CKLF: variants seen among roughly 807,000 people sequenced by gnomAD.
CKLF encodes the protein chemokine-like factor.
CKLF carries 16 observed loss-of-function variants against 12.9 expected under a neutral mutation model. The ratio of observed to expected loss-of-function variants is 1.24; its 90% CI spans 0.84 to 1.88. The LOEUF (loss-of-function observed/expected upper bound fraction) is 1.88. Among genes scored for constraint, CKLF ranks in the 40% most tolerant of loss-of-function variants. CKLF has a pLI of 0.00. For missense variants in CKLF, 172 were observed against 188.5 expected, an observed-to-expected ratio of 0.91 and a Z score of 0.51; for synonymous variants, 61 against 69.0, an observed-to-expected ratio of 0.88 and a Z score of 0.57.
chr16:66,558,731 T>A (rs2011550127), intron 2 of CKLF, among the ~76,000 whole-genome samples: 1 of 152,232 alleles, frequency 6.6e-6, no homozygotes, highest in African/African-American at 2.4e-5. Flanking sequence ...TGGAGACAGA[T>A]ACACAAGTAT....
Position 66,558,358 on chromosome 16 carries a change from C to G in CKLF, c.237+10C>G. On this transcript the variant is annotated intron_variant, in intron 2 of 3. Coordinates refer to ENST00000264001, the MANE Select transcript of CKLF (RefSeq NM_016951.4). ...ATTTTGGCCTTTGCTTGTAAGTGTT[C>G]AGTTTCATCCTTAAATTTTACTTTT... 3 of 1,588,358 alleles carry G rather than the reference C, an allele frequency of 1.9e-6. No homozygotes were observed. The highest frequency in any genetic ancestry group is 2.6e-6 in the Non-Finnish European group (3 of 1,173,712).
At chr16:66,563,261 A>G (rs1418631865) in intron 3 of CKLF, 44 bp downstream of exon 3, 1 of 1,601,256 alleles carries the variant, frequency 6.2e-7, no homozygotes, top group East Asian at 2.2e-5. Flanking sequence ...GTTTTATCAG[A>G]ATGCAAATTT....
chr16:66,559,674 A>G (rs2011593267), intron 2 of CKLF, among the ~76,000 whole-genome samples: 1 of 152,160 alleles, frequency 6.6e-6, no homozygotes, highest in Non-Finnish European at 1.5e-5. Flanking sequence ...TGTCCCAGTA[A>G]TAAACTGGGA....
At chr16:66,565,621 G>A (rs1224008194) in intron 3 of CKLF, 2 of 461,228 alleles carry the variant, frequency 4.3e-6, no homozygotes, top group Non-Finnish European at 7.8e-6. Flanking sequence ...AAACAAGTAT[G>A]GATTTCAGAG....
intron 2 of CKLF, 64 bp from the exon 3 acceptor site, chr16:66,563,057 GT>G: frequency 1.9e-6 from 3 of 1,591,386 alleles, no homozygotes; most frequent in Non-Finnish European, 2.6e-6. Flanking sequence ...TTTGTTTTTT[GT>G]TTTTCCTTTT....
intron 3 of CKLF, among the ~76,000 whole-genome samples, chr16:66,563,604 TTTG>T (rs1471512951): frequency 6.6e-6 from 1 of 152,196 alleles, no homozygotes; most frequent in Admixed American, 6.5e-5. Context: ...ATACATACCA[TTTG>T]TTAAGATGAG....
intron 2 of CKLF, among the ~76,000 whole-genome samples, chr16:66,560,877 GGAGTTT>G (rs1171495500): frequency 6.6e-6 from 1 of 151,820 alleles, no homozygotes; most frequent in Non-Finnish European, 1.5e-5. Flanking sequence ...CTTTTCCAGA[GGAGTTT>G]GCCTCCAGTG....
At chr16:66,564,941 T>TATA (rs1167913464) in intron 3 of CKLF, among the ~76,000 whole-genome samples, 2 of 152,118 alleles carry the variant, frequency 1.3e-5, no homozygotes, top group Non-Finnish European at 2.9e-5. Flanking sequence ...AACCGCTGTA[T>TATA]ATAAGCTGTT....
At chr16:66,552,854 G>C in intron 1 of CKLF, 61 bp downstream of exon 1, 1 of 1,611,640 alleles carries the variant, frequency 6.2e-7, no homozygotes, top group Non-Finnish European at 8.5e-7. Context: ...GGAGATGTGG[G>C]TGTGAAGTGC....
intron 1 of CKLF, 28 bp from the exon 2 acceptor site, chr16:66,558,162 G>C: frequency 6.2e-7 from 1 of 1,601,222 alleles, no homozygotes; most frequent in Non-Finnish European, 8.5e-7. Flanking sequence ...AGTTGTCACT[G>C]AATAAATCGT....
At chr16:66,557,604 C>T (rs1161954466) in intron 1 of CKLF, among the ~76,000 whole-genome samples, 1 of 152,190 alleles carries the variant, frequency 6.6e-6, no homozygotes, top group Non-Finnish European at 1.5e-5. Context: ...AGCCAGTATA[C>T]AGACTTTTTG....
chr16:66,561,047 G>T (rs2011682164), intron 2 of CKLF, among the ~76,000 whole-genome samples: 1 of 152,140 alleles, frequency 6.6e-6, no homozygotes, highest in South Asian at 2.1e-4. Flanking sequence ...AGCACAGGTG[G>T]AGAAGTTGCC....
At chr16:66,560,813 AC>A (rs2011659823) in intron 2 of CKLF, among the ~76,000 whole-genome samples, 1 of 149,484 alleles carries the variant, frequency 6.7e-6, no homozygotes, top group Non-Finnish European at 1.5e-5. Flanking sequence ...ACACACACAC[AC>A]ACACACACAC....
intron 2 of CKLF, 103 bp downstream of exon 2, chr16:66,558,451 T>C (rs1300186865): frequency 6.8e-7 from 1 of 1,470,674 alleles, no homozygotes; most frequent in Non-Finnish European, 9.0e-7. Context: ...AGGTAATCTC[T>C]GTTAGGCTTA....
In CKLF at chr16:66,552,752, T is replaced by C. The variant is rs750806968; in HGVS notation, c.37T>C (p.Phe13Leu). The C allele has an allele frequency of 1.9e-6, 3 of 1,614,150 alleles. No individual in the cohort carries two copies. Among genetic ancestry groups the C allele is most frequent in the Non-Finnish European group, 2.5e-6 (3 of 1,180,002 alleles). Residue 13 changes from phenylalanine (F) to leucine (L), a missense_variant, in exon 1 of 4, where the codon TTC becomes CTC. Transcript: ENST00000264001. Reference sequence around the variant, plus strand: ...GCAGCCGAAAATAAAACATCGCCCCTTCTGCTTCAGTGTGAAAGGCCACGT... The same window carrying C: ...GCAGCCGAAAATAAAACATCGCCCCCTCTGCTTCAGTGTGAAAGGCCACGT... The part of the protein sequence containing the change: ...NVQPKIKHRP[F>L]CFSVKGHVKM...
chr16:66,561,547 C>T (rs965871215), intron 2 of CKLF, among the ~76,000 whole-genome samples: 17 of 152,138 alleles, frequency 1.1e-4, no homozygotes, highest in African/African-American at 3.9e-4. Flanking sequence ...CATCTATAAA[C>T]CCTTGCCCAG....
At position 66,563,198 on chromosome 16, in the gene CKLF, C is replaced by T. The variant is rs954807644; in HGVS notation, c.314C>T (p.Thr105Ile). ...SVLALIPETT[T>I]LTVGGGVFAL... ...TTGGCACTGATACCAGAAACCACAA[C>T]ATTGACAGTTGGTGGAGGGGTAAGT... Residue 105 changes from threonine (T) to isoleucine (I), a missense_variant, in exon 3 of 4, where the codon ACA becomes ATA. Transcript: ENST00000264001. The T allele has an allele frequency of 3.7e-6, 6 of 1,613,984 alleles. No homozygotes were observed. Among genetic ancestry groups the T allele is most frequent in the Non-Finnish European group, 5.1e-6 (6 of 1,180,026 alleles).
intron 1 of CKLF, among the ~76,000 whole-genome samples, chr16:66,557,802 A>G (rs2011506457): frequency 6.6e-6 from 1 of 152,210 alleles, no homozygotes; most frequent in South Asian, 2.1e-4. Flanking sequence ...GAAAAACATC[A>G]AGAGAACTGA....
chr16:66,554,133 C>T (rs1209873742), intron 1 of CKLF, among the ~76,000 whole-genome samples: 2 of 152,180 alleles, frequency 1.3e-5, no homozygotes, highest in Non-Finnish European at 2.9e-5. Context: ...TCTCAACAAA[C>T]CATTTGAATA....
Sources: allele counts gnomAD v4.1 joint callset (sites outside exome capture counted in the v4.1 genomes callset), GRCh38; gene constraint gnomAD v4.1.1; transcripts MANE v1.5; gene names NCBI Gene and HGNC (gene_info 2026-07-23, HGNC 2026-07-21).